SEC23IP: variants seen among roughly 807,000 people sequenced by gnomAD.
SEC23IP encodes SEC23-interacting protein.
In SEC23IP, 70 loss-of-function variants were observed where a neutral mutation model predicts 113.4. The ratio of observed to expected loss-of-function variants is 0.62; its 90% CI spans 0.51 to 0.75. SEC23IP has a LOEUF of 0.75. SEC23IP is among the 30% of genes least tolerant of loss of function. The pLI, the probability that SEC23IP is intolerant of heterozygous loss-of-function variation, is 0.00. For synonymous variants in SEC23IP, 398 were observed against 421.0 expected, an observed-to-expected ratio of 0.95 and a Z score of 0.67; for missense variants, 1,160 against 1,204.9, an observed-to-expected ratio of 0.96 and a Z score of 0.55.
rs556409807 is a variant in SEC23IP, at chr10:119,933,114, A to G, written c.2868A>G (p.Pro956=). 1 of 1,614,086 alleles carries G rather than the reference A, an allele frequency of 6.2e-7. No homozygotes were observed. Among genetic ancestry groups the G allele is most frequent in the East Asian group, 2.2e-5 (1 of 44,886 alleles). Residue 956 remains proline, a synonymous_variant, in exon 17 of 19, where the codon CCA becomes CCG. Coordinates refer to ENST00000369075, the MANE Select transcript of SEC23IP (RefSeq NM_007190.4). ...RRIDYVLQEK[P]IESFNEYLFA... ...TTGACTACGTTCTCCAAGAAAAACC[A>G]ATAGAGAGTTTTAATGAATACCTTT...
At chr10:119,933,830 A>G (rs1227407654) in intron 18 of SEC23IP, 43 bp downstream of exon 18, 40 of 1,022,052 alleles carry the variant, frequency 3.9e-5, no homozygotes, top group Non-Finnish European at 5.9e-5. Context: ...GAATGTTTGC[A>G]TTCTCAAATC....
chr10:119,926,002 C>T (rs1380807974), intron 12 of SEC23IP, 34 bp from the exon 13 acceptor site: 2 of 1,558,112 alleles, frequency 1.3e-6, no homozygotes, highest in South Asian at 1.2e-5. Context: ...AACTTTTTCT[C>T]ATGATTATGT....
chr10:119,903,424 T>C (rs145235695), intron 3 of SEC23IP, among the ~76,000 whole-genome samples: 21 of 152,316 alleles, frequency 1.4e-4, no homozygotes, highest in Non-Finnish European at 2.5e-4. Flanking sequence ...TTGAGAGAGA[T>C]GGTGTGCAGG....
Position 119,903,145 on chromosome 10 carries a change from G to A in SEC23IP, c.907+136G>A, listed in dbSNP as rs183402322. 8.0e-4 allele frequency: 563 copies of A among 700,238 alleles called. 3 individuals carry two copies. In the African/African-American group the frequency reaches 9.4e-3, roughly 12 times the overall value. The allele number at this position is 700,238 out of a possible 1,614,324, so 43.4% of individuals were successfully genotyped here. A position where few individuals can be genotyped will look rare whatever the true frequency, so the allele number is the denominator to read the frequency against. ...CCCAGACTCTGTACCTTAAGGTGAC[G>A]ATATTAGTATAAGTCCTGAGTTACC... is the stretch of plus-strand genomic sequence containing the variant. On this transcript the variant is annotated intron_variant, in intron 3 of 18. Transcript: ENST00000369075.
Position 119,920,871 on chromosome 10 carries a change from G to C in SEC23IP, c.2026-18G>C, listed in dbSNP as rs377070898. On this transcript the variant is annotated intron_variant, in intron 11 of 18. Coordinates refer to ENST00000369075, the MANE Select transcript of SEC23IP (RefSeq NM_007190.4). Reference sequence around the variant, plus strand: ...TATCACTAGATTGATTAATGTGCTTGTCTGTTTCCTTTTAAAGCTTATGTG... The same window carrying C: ...TATCACTAGATTGATTAATGTGCTTCTCTGTTTCCTTTTAAAGCTTATGTG... 8.6e-6 allele frequency: 13 copies of C among 1,519,250 alleles called. No homozygotes were observed. Among genetic ancestry groups the C allele is most frequent in the South Asian group, 1.1e-5 (1 of 87,214 alleles). The allele number at this position is 1,519,250 out of a possible 1,614,324, so 94.1% of individuals were successfully genotyped here.
At position 119,902,975 on chromosome 10, in the gene SEC23IP, C is replaced by T. The variant is rs377483192; in HGVS notation, c.873C>T (p.Phe291=). The part of the protein sequence containing the change: ...YKQLWMPFSV[F]DSLNLEEIYN... ...AACTGTGGATGCCTTTTAGTGTGTT[C>T]GACTCTTTGAATCTTGAAGAAATCT... is the stretch of plus-strand genomic sequence containing the variant. Residue 291 remains phenylalanine (F), a synonymous_variant, in exon 3 of 19, where the codon TTC becomes TTT. Coordinates refer to ENST00000369075, the MANE Select transcript of SEC23IP (RefSeq NM_007190.4). 30 of 1,614,000 alleles carry T rather than the reference C, an allele frequency of 1.9e-5. No homozygotes were observed. The highest frequency in any genetic ancestry group is 6.6e-5 in the South Asian group (6 of 91,052).
chr10:119,893,060 C>A, intron 1 of SEC23IP, 115 bp downstream of exon 1: 1 of 1,196,516 alleles, frequency 8.4e-7, no homozygotes, highest in Non-Finnish European at 1.2e-6. Flanking sequence ...GATAGCTTGC[C>A]AGGATCATTA....
rs182360334 is a variant in SEC23IP at position 119,941,242 on chromosome 10, C to G, written c.*677C>G. The G allele has an allele frequency of 1.7e-3, 256 of 152,288 alleles. No homozygotes were observed. Among genetic ancestry groups the G allele is most frequent in the African/African-American group, 5.7e-3 (238 of 41,558 alleles). 9.4% of individuals were successfully genotyped at this position (152,288 alleles called of 1,614,324 possible). ...TTTTCAAGAAGTCCTGGGAAGCGCT[C>G]TCCTAGCACGTCCATTTCCAGGAGG... On this transcript the variant is annotated 3_prime_UTR_variant, in exon 19 of 19. Transcript: ENST00000369075.
rs753690885 is a variant in SEC23IP at position 119,898,930 on chromosome 10, T to G, written c.667T>G (p.Tyr223Asp). 1.1e-5 allele frequency: 17 copies of G among 1,596,224 alleles called. No individual in the cohort carries two copies. The South Asian group carries it at 1.2e-4, about 11-fold the overall frequency. ...ACCTTCTGGACCCCCTGTTCAGATG[T>G]ACCAGATGCCTCCAGGATCTTTGCC... ...PPPSGPPVQM[Y>D]QMPPGSLPPV... Residue 223 changes from tyrosine (Y) to aspartate (D), a missense_variant, in exon 2 of 19, where the codon TAC becomes GAC. Tyr to Asp is a radical substitution (Grantham distance 160, BLOSUM62 -3). Transcript: ENST00000369075.
At chr10:119,933,835 C>G in intron 18 of SEC23IP, 48 bp downstream of exon 18, 1 of 980,670 alleles carries the variant, frequency 1.0e-6, no homozygotes, top group Non-Finnish European at 1.6e-6. Flanking sequence ...TTTGCATTCT[C>G]AAATCTGTTG....
chr10:119,902,429 C>T (rs998380276), intron 2 of SEC23IP, among the ~76,000 whole-genome samples: 2 of 152,114 alleles, frequency 1.3e-5, no homozygotes, highest in African/African-American at 4.8e-5. Context: ...ACTTTGTGTT[C>T]TGTGAGAAGG....
intron 6 of SEC23IP, among the ~76,000 whole-genome samples, chr10:119,913,652 C>T (rs61867976): frequency 0.054 from 8,252 of 151,676 alleles, 421 homozygotes; most frequent in South Asian, 0.27. Flanking sequence ...CCACCACGCC[C>T]GGCTAATTTT....
In SEC23IP at chr10:119,919,589, A is replaced by G; in HGVS notation, c.2018A>G (p.Glu673Gly). 6.2e-7 allele frequency: 1 copy of G among 1,612,038 alleles called. No homozygotes were observed. Among genetic ancestry groups the G allele is most frequent in the Non-Finnish European group, 8.5e-7 (1 of 1,179,318 alleles). ...STFEKEKIDMESLLMCTVDDL... is the reference protein window; with the variant it reads ...STFEKEKIDMGSLLMCTVDDL... ...TTTGAAAAGGAAAAGATTGATATGG[A>G]GTCCCTGGTACTGATCATAGTTTGC... Residue 673 changes from glutamate (E) to glycine (G), a missense_variant, in exon 11 of 19, where the codon GAG becomes GGG. Transcript: ENST00000369075.
chr10:119,934,784 C>A (rs1241807051), intron 18 of SEC23IP, among the ~76,000 whole-genome samples: 1 of 152,172 alleles, frequency 6.6e-6, no homozygotes, highest in African/African-American at 2.4e-5. Flanking sequence ...AGTAGGGCTT[C>A]CTTAGAGAAA....
chr10:119,907,512 A>G (rs1401120771), intron 4 of SEC23IP, among the ~76,000 whole-genome samples: 3 of 152,224 alleles, frequency 2.0e-5, no homozygotes, highest in Non-Finnish European at 4.4e-5. Flanking sequence ...GCTCCCTCTT[A>G]CTTTGTGTTG....
rs1158607312 is a variant in SEC23IP, at chr10:119,943,408, G to A, written c.*2843G>A. 2 of 151,974 alleles carry A rather than the reference G, an allele frequency of 1.3e-5. No individual in the cohort carries two copies. The highest frequency in any genetic ancestry group is 1.9e-4 in the East Asian group (1 of 5,174). The allele number at this position is 151,974 out of a possible 1,614,324, so 9.4% of individuals were successfully genotyped here. A position where few individuals can be genotyped will look rare whatever the true frequency, so the allele number is the denominator to read the frequency against. On this transcript the variant is annotated 3_prime_UTR_variant, in exon 19 of 19. Transcript: ENST00000369075. ...ATGACATTTCTATAATACTCCTCAGGGGGTTAACCCCATCTCTACTAAAAA... is the reference window on the plus strand; with the variant it reads ...ATGACATTTCTATAATACTCCTCAGAGGGTTAACCCCATCTCTACTAAAAA...
chr10:119,934,306 C>T (rs1428935469), intron 18 of SEC23IP, among the ~76,000 whole-genome samples: 2 of 152,184 alleles, frequency 1.3e-5, no homozygotes, highest in South Asian at 4.1e-4. Flanking sequence ...TCACATCTGT[C>T]GCTCTTAATT....
Position 119,942,929 on chromosome 10 carries a change from A to T in SEC23IP, c.*2364A>T, listed in dbSNP as rs1390239413. 1 of 152,150 alleles carries T rather than the reference A, an allele frequency of 6.6e-6. No individual in the cohort carries two copies. The highest frequency in any genetic ancestry group is 1.5e-5 in the Non-Finnish European group (1 of 68,038). 9.4% of individuals were successfully genotyped at this position (152,150 alleles called of 1,614,324 possible). On this transcript the variant is annotated 3_prime_UTR_variant, in exon 19 of 19. Coordinates refer to ENST00000369075, the MANE Select transcript of SEC23IP (RefSeq NM_007190.4). ...ATTGGAAAGGTGTGATCTATATAGAACCCTGTACATGAAAAGGAGGAGATG... is the reference window on the plus strand; with the variant it reads ...ATTGGAAAGGTGTGATCTATATAGATCCCTGTACATGAAAAGGAGGAGATG...
intron 1 of SEC23IP, among the ~76,000 whole-genome samples, chr10:119,895,825 C>T (rs1854265063): frequency 6.6e-6 from 1 of 152,126 alleles, no homozygotes; most frequent in African/African-American, 2.4e-5. Context: ...TCTCCTCTCC[C>T]CTGTGTCCTC....
Sources: gnomAD v4.1 joint callset for allele counts (sites outside exome capture counted in the v4.1 genomes callset) on GRCh38, gnomAD v4.1.1 for gene constraint, MANE v1.5 for transcripts, NCBI Gene and HGNC (gene_info 2026-07-23, HGNC 2026-07-21) for gene names.